PTPN14: variants seen among roughly 807,000 people sequenced by gnomAD.
The protein encoded by PTPN14 is tyrosine-protein phosphatase non-receptor type 14.
PTPN14 carries 53 observed loss-of-function variants against 126.8 expected under a neutral mutation model. The observed-to-expected ratio is 0.42, with a 90% CI of 0.34 to 0.53. PTPN14 has a LOEUF of 0.53. PTPN14 is among the 20% of genes least tolerant of loss of function. PTPN14 has a pLI of 0.08. For missense variants in PTPN14, 1,257 were observed against 1,552.9 expected, an observed-to-expected ratio of 0.81 and a Z score of 3.20; for synonymous variants, 630 against 599.3, an observed-to-expected ratio of 1.05 and a Z score of -0.75.
At chr1:214,447,996 T>C (rs2102629141) in intron 3 of PTPN14, among the ~76,000 whole-genome samples, 1 of 152,278 alleles carries the variant, frequency 6.6e-6, no homozygotes, top group African/African-American at 2.4e-5. Flanking sequence ...AAAAGAAAAG[T>C]CCTTCCTAAA....
chr1:214,397,989 T>C lies in PTPN14; in HGVS notation c.682A>G (p.Asn228Asp), dbSNP rs763147498. The change falls in exon 8 of 19, where the codon AAC (asparagine) becomes GAC (aspartate). Residue 228 changes from asparagine (N) to aspartate (D), a missense_variant. Transcript: ENST00000366956. The stretch of plus-strand genomic sequence containing the variant: ...AAGAAAATGCCAAGGTGTACACAGT[T>C]TCCATGATTGTCCTGGGTAAGACCA... ...EIFPVKDNHG[N>D]CVHLGIFFMG... 6.2e-7 allele frequency: 1 copy of C among 1,611,888 alleles called. No homozygotes were observed. Among genetic ancestry groups the C allele is most frequent in the South Asian group, 1.1e-5 (1 of 90,970 alleles).
In PTPN14 at chr1:214,383,868, G is replaced by T. The variant is rs757869300; in HGVS notation, c.1987C>A (p.Leu663Ile). Residue 663 changes from leucine (L) to isoleucine (I), a missense_variant, in exon 13 of 19, where the codon CTC becomes ATC. Leu to Ile is a conservative substitution (Grantham distance 5, BLOSUM62 2). Transcript: ENST00000366956. This position sits in a 1 kb window ranked among gnomAD's most constrained non-coding sequence, Gnocchi z 4.4. ...AGCGTGTTGCGGCGAGCCATGGGGA[G>T]GTGGAGCGACTTGAGCGTCATGGCC... The part of the protein sequence containing the change: ...MEAMTLKSLH[L>I]PMARRNTLRE... 1.2e-6 allele frequency: 2 copies of T among 1,613,008 alleles called. No individual in the cohort carries two copies. Among genetic ancestry groups the T allele is most frequent in the Admixed American group, 1.7e-5 (1 of 60,022 alleles).
At chr1:214,514,833 T>C (rs1157004178) in intron 1 of PTPN14, among the ~76,000 whole-genome samples, 1 of 152,068 alleles carries the variant, frequency 6.6e-6, no homozygotes, top group African/African-American at 2.4e-5. Flanking sequence ...ATAAGAACTG[T>C]TGAGAGAATT....
At position 214,364,560 on chromosome 1, in the gene PTPN14, G is replaced by A. The variant is rs564329076; in HGVS notation, c.3387C>T (p.Gly1129=). Residue 1129 remains glycine (G), a synonymous_variant, in exon 18 of 19, where the codon GGC becomes GGT. Coordinates refer to ENST00000366956, the MANE Select transcript of PTPN14 (RefSeq NM_005401.5). This position sits in a 1 kb window ranked among gnomAD's most constrained non-coding sequence, Gnocchi z 4.1. ...VHCSAGVGRT[G]VLILSELMIY... ...TCATCAGCTCAGAAAGAATGAGCAC[G>A]CCGGTCCTTCCCACCCCAGCACTAC... The A allele has an allele frequency of 4.4e-5, 71 of 1,614,048 alleles. No individual in the cohort carries two copies. The South Asian group carries it at 6.9e-4, about 16-fold the overall frequency.
chr1:214,382,706 T>C (rs976418294), intron 13 of PTPN14, among the ~76,000 whole-genome samples: 3 of 152,240 alleles, frequency 2.0e-5, no homozygotes, highest in Non-Finnish European at 4.4e-5. Context: ...TGTATGTATA[T>C]ATGTATGTGT....
At chr1:214,413,747 T>C (rs1025744085) in intron 4 of PTPN14, among the ~76,000 whole-genome samples, 4 of 152,190 alleles carry the variant, frequency 2.6e-5, no homozygotes, top group Non-Finnish European at 4.4e-5. Context: ...CAGCTCACTG[T>C]AACCTCCACC....
chr1:214,395,781 C>T (rs532872612), intron 8 of PTPN14, among the ~76,000 whole-genome samples: 1 of 152,256 alleles, frequency 6.6e-6, no homozygotes, highest in South Asian at 2.1e-4. Flanking sequence ...GGTGCCCCAA[C>T]CTGTAATTCC....
At chr1:214,411,083 G>A (rs1378090708) in intron 5 of PTPN14, among the ~76,000 whole-genome samples, 1 of 152,072 alleles carries the variant, frequency 6.6e-6, no homozygotes, top group African/African-American at 2.4e-5. Flanking sequence ...CGAAGATGGG[G>A]TATCTTTCCA....
At chr1:214,480,916 A>G (rs1419454788) in intron 1 of PTPN14, among the ~76,000 whole-genome samples, 1 of 152,184 alleles carries the variant, frequency 6.6e-6, no homozygotes, top group Non-Finnish European at 1.5e-5. Context: ...AGAGCAGCAG[A>G]TATGCTGGGC....
At chr1:214,532,535 G>C (rs746360143) in intron 1 of PTPN14, 8 of 1,040,018 alleles carry the variant, frequency 7.7e-6, no homozygotes, top group Non-Finnish European at 1.2e-5. Flanking sequence ...ACCTGGAGAA[G>C]AAGGGACCCC....
At chr1:214,358,889 C>A (rs1261671267) in intron 18 of PTPN14, among the ~76,000 whole-genome samples, 1 of 151,406 alleles carries the variant, frequency 6.6e-6, no homozygotes, top group African/African-American at 2.4e-5. Flanking sequence ...ATTACAGGTG[C>A]GCACCACCAC....
intron 5 of PTPN14, among the ~76,000 whole-genome samples, chr1:214,410,346 G>A (rs931729863): frequency 1.3e-5 from 2 of 149,728 alleles, no homozygotes; most frequent in African/African-American, 2.5e-5. Flanking sequence ...CCAGGCTGGA[G>A]TGCAGTGGCA....
At chr1:214,396,444 G>A (rs1282610707) in intron 8 of PTPN14, among the ~76,000 whole-genome samples, 1 of 152,160 alleles carries the variant, frequency 6.6e-6, no homozygotes, top group Non-Finnish European at 1.5e-5. Flanking sequence ...CATCTACGTG[G>A]ACTCATAGCT....
chr1:214,390,569 CTCATTTAGAAGGCAT>C (rs1158300637), intron 11 of PTPN14, among the ~76,000 whole-genome samples: 3 of 152,180 alleles, frequency 2.0e-5, no homozygotes, highest in Admixed American at 6.5e-5. Context: ...TCAATTTTTG[CTCATTTAGAAGGCAT>C]TTTCTCACTA....
chr1:214,458,883 A>C (rs2102644220), intron 2 of PTPN14, among the ~76,000 whole-genome samples: 1 of 152,234 alleles, frequency 6.6e-6, no homozygotes, highest in South Asian at 2.1e-4. Flanking sequence ...TGCTCCACCA[A>C]AGATTTGCAG....
At chr1:214,439,808 T>C (rs986866173) in intron 3 of PTPN14, among the ~76,000 whole-genome samples, 3 of 152,222 alleles carry the variant, frequency 2.0e-5, no homozygotes, top group African/African-American at 7.2e-5. Context: ...ATCTGAAAGC[T>C]TGGCACTTTC....
At chr1:214,377,819 G>T in intron 14 of PTPN14, 140 bp downstream of exon 14, 1 of 1,098,802 alleles carries the variant, frequency 9.1e-7, no homozygotes, top group Non-Finnish European at 1.3e-6. Flanking sequence ...ATGCAACACA[G>T]TTATACCTGA....
intron 17 of PTPN14, among the ~76,000 whole-genome samples, chr1:214,366,419 G>A (rs747709016): frequency 3.3e-5 from 5 of 152,250 alleles, no homozygotes; most frequent in Non-Finnish European, 7.4e-5. Flanking sequence ...TGGGTAATAC[G>A]GTAGATGCCA....
intron 6 of PTPN14, among the ~76,000 whole-genome samples, chr1:214,402,666 G>GAAGA (rs1659055002): frequency 7.4e-6 from 1 of 135,252 alleles, no homozygotes; most frequent in Non-Finnish European, 1.6e-5. Flanking sequence ...AGGAAGGAAG[G>GAAGA]AAGGAAGGAA....
Sources: gnomAD v4.1 joint callset for allele counts (sites outside exome capture counted in the v4.1 genomes callset) on GRCh38, gnomAD v4.1.1 for gene constraint, Gnocchi (gnomAD v3.1) non-coding constraint, MANE v1.5 for transcripts, NCBI Gene and HGNC (gene_info 2026-07-23, HGNC 2026-07-21) for gene names.